The following LSM14A variants were observed in gnomAD, a reference collection of about 807,000 sequenced individuals.
LSM14A encodes the protein LSM14A mRNA processing body assembly factor, also known as protein LSM14 homolog A.
A neutral mutation model predicts 52.4 loss-of-function variants in LSM14A; 14 were observed. That is an observed-to-expected ratio of 0.27 (90% CI 0.18 to 0.42). The LOEUF is 0.42. LSM14A is among the 10% of genes least tolerant of loss of function. LSM14A has a pLI of 1.00. For synonymous variants in LSM14A, 185 were observed against 200.3 expected, an observed-to-expected ratio of 0.92 and a Z score of 0.64; for missense variants, 417 against 581.8, an observed-to-expected ratio of 0.72 and a Z score of 2.91.
intron 1 of LSM14A, among the ~76,000 whole-genome samples, chr19:34,181,653 C>T (rs1464730135): frequency 6.6e-6 from 1 of 152,168 alleles, no homozygotes; most frequent in African/African-American, 2.4e-5. Context: ...CTGTAAGCCG[C>T]CAAATGTTGG....
intron 9 of LSM14A, chr19:34,226,402 T>TAAAA: frequency 7.0e-7 from 1 of 1,427,186 alleles, no homozygotes; most frequent in African/African-American, 1.5e-5. Flanking sequence ...TTTTTTTACC[T>TAAAA]TTCAGAAAAC....
chr19:34,200,324 G>T (rs555729861), intron 3 of LSM14A, among the ~76,000 whole-genome samples: 1 of 152,166 alleles, frequency 6.6e-6, no homozygotes. Context: ...TTTGTTTCCT[G>T]CAGGGGAGAA....
intron 1 of LSM14A, among the ~76,000 whole-genome samples, chr19:34,183,762 A>G (rs575156758): frequency 7.9e-5 from 12 of 152,308 alleles, no homozygotes; most frequent in African/African-American, 2.6e-4. Flanking sequence ...GTTGACATCA[A>G]CAGGCACAAT....
At chr19:34,214,959 C>T (rs2072466753) in intron 4 of LSM14A, among the ~76,000 whole-genome samples, 165 bp from the exon 5 acceptor site, 1 of 151,756 alleles carries the variant, frequency 6.6e-6, no homozygotes, top group Non-Finnish European at 1.5e-5. Context: ...ATGACAAGCC[C>T]ACTAAGGATA....
chr19:34,186,507 G>A (rs2069919680), intron 1 of LSM14A, among the ~76,000 whole-genome samples: 1 of 152,274 alleles, frequency 6.6e-6, no homozygotes, highest in Admixed American at 6.5e-5. Context: ...GATTTACCAG[G>A]CCTCCTTAAT....
chr19:34,186,941 T>C (rs1599668122), intron 1 of LSM14A, among the ~76,000 whole-genome samples: 1 of 151,966 alleles, frequency 6.6e-6, no homozygotes, highest in Admixed American at 6.6e-5. Flanking sequence ...TTTTAGTTCA[T>C]GTCAAAAAAA....
intron 1 of LSM14A, among the ~76,000 whole-genome samples, chr19:34,183,712 G>T (rs2069674805): frequency 6.6e-6 from 1 of 152,164 alleles, no homozygotes; most frequent in South Asian, 2.1e-4. Flanking sequence ...AAGCCAAGAT[G>T]TAACTTGACT....
intron 1 of LSM14A, among the ~76,000 whole-genome samples, chr19:34,174,025 C>T (rs1284731754): frequency 6.6e-6 from 1 of 152,192 alleles, no homozygotes; most frequent in African/African-American, 2.4e-5. Flanking sequence ...TTTCGGCTCA[C>T]TGCAACGTCC....
At chr19:34,186,524 G>A (rs902764606) in intron 1 of LSM14A, among the ~76,000 whole-genome samples, 4 of 152,088 alleles carry the variant, frequency 2.6e-5, no homozygotes, top group South Asian at 2.1e-4. Context: ...TAATCCCTTG[G>A]GCCAATTCCT....
rs769356409 is a variant in LSM14A, at chr19:34,228,324, C to T, written c.*936C>T. 8.5e-5 allele frequency: 13 copies of T among 152,520 alleles called. No homozygotes were observed. The highest frequency in any genetic ancestry group is 1.6e-4 in the Non-Finnish European group (11 of 68,042). 9.4% of individuals were successfully genotyped at this position (152,520 alleles called of 1,614,324 possible). A position where few individuals can be genotyped will look rare whatever the true frequency, so the allele number is the denominator to read the frequency against. ...ATATCACAGGATCTGTCCAGATAAT[C>T]GATATTTTCAGTATACAAATGTAAA... On this transcript the variant is annotated 3_prime_UTR_variant, in exon 10 of 10. Transcript: ENST00000544216.
rs145856929 is a variant in LSM14A, at chr19:34,219,663, G to C, written c.965-43G>C. The C allele has an allele frequency of 2.7e-4, 431 of 1,582,406 alleles. No individual in the cohort carries two copies. The African/African-American group carries it at 4.7e-3, about 17-fold the overall frequency. On this transcript the variant is annotated intron_variant, in intron 7 of 9. Transcript: ENST00000544216. The stretch of plus-strand genomic sequence containing the variant: ...AGATTAGGTGTTTTTATGTAATTCA[G>C]ATTAGCTGTCTTGACTTTTCTGATA...
intron 1 of LSM14A, among the ~76,000 whole-genome samples, chr19:34,182,681 CA>C (rs74177115): frequency 0.12 from 12,808 of 108,714 alleles, 981 homozygotes; most frequent in African/African-American, 0.23. Flanking sequence ...ACTAAAAATA[CA>C]AAAAAAAAAA....
intron 1 of LSM14A, among the ~76,000 whole-genome samples, chr19:34,175,829 A>G (rs934842475): frequency 2.0e-5 from 3 of 151,812 alleles, no homozygotes; most frequent in South Asian, 2.1e-4. Flanking sequence ...GATTAAAGCC[A>G]AAAGTGTTTG....
At chr19:34,199,930 A>T (rs1205887821) in intron 3 of LSM14A, among the ~76,000 whole-genome samples, 2 of 152,258 alleles carry the variant, frequency 1.3e-5, no homozygotes, top group Non-Finnish European at 2.9e-5. Flanking sequence ...GTCTTAAAGT[A>T]TCATCCCACA....
chr19:34,199,243 A>C (rs758658746), intron 3 of LSM14A, among the ~76,000 whole-genome samples: 1 of 151,016 alleles, frequency 6.6e-6, no homozygotes, highest in African/African-American at 2.4e-5. Context: ...TCCCACCTCA[A>C]CCTCCCGAGT....
intron 1 of LSM14A, among the ~76,000 whole-genome samples, chr19:34,185,259 C>T (rs1437555106): frequency 6.6e-6 from 1 of 152,022 alleles, no homozygotes; most frequent in Non-Finnish European, 1.5e-5. Flanking sequence ...GTCATTGGGT[C>T]GCCAGTGCTT....
At chr19:34,215,457 G>A in intron 5 of LSM14A, 139 bp from the exon 6 acceptor site, 1 of 1,081,080 alleles carries the variant, frequency 9.3e-7, no homozygotes, top group East Asian at 2.4e-5. Flanking sequence ...CAAAGTGGTG[G>A]TGGTGTGGGT....
Position 34,219,556 on chromosome 19 carries a change from ATAAACT to A in LSM14A, c.952_957del (p.Leu320_Lys321del), listed in dbSNP as rs1288367629. 1.2e-6 allele frequency: 2 copies of A among 1,609,568 alleles called. No homozygotes were observed. The highest frequency in any genetic ancestry group is 1.7e-5 in the Admixed American group (1 of 59,330). The stretch of plus-strand genomic sequence containing the variant: ...GAAGAGATTGACAGAGAGTTTCATA[ATAAACT>A]TAAATTAAAAGGTAAGCTTTGATTT... On this transcript the variant is annotated inframe_deletion, in exon 7 of 10. Transcript: ENST00000544216.
chr19:34,179,534 A>T (rs1297856809), intron 1 of LSM14A, among the ~76,000 whole-genome samples: 1 of 152,160 alleles, frequency 6.6e-6, no homozygotes, highest in East Asian at 1.9e-4. Flanking sequence ...GAAACAGTTT[A>T]TTATTGTTAC....
Sources: allele counts gnomAD v4.1 joint callset (sites outside exome capture counted in the v4.1 genomes callset), GRCh38; gene constraint gnomAD v4.1.1; transcripts MANE v1.5; gene names NCBI Gene and HGNC (gene_info 2026-07-23, HGNC 2026-07-21).